KCNJ9: variants seen among roughly 807,000 people sequenced by gnomAD.
KCNJ9 encodes G protein-activated inward rectifier potassium channel 3.
In KCNJ9, 18 loss-of-function variants were observed where a neutral mutation model predicts 27.9. The observed-to-expected ratio is 0.65, with a 90% CI of 0.45 to 0.96. KCNJ9 has a LOEUF of 0.96. Ranked by LOEUF, KCNJ9 falls within the 40% of genes least tolerant of loss-of-function variation. KCNJ9 has a pLI of 0.00. For missense variants in KCNJ9, 324 were observed against 557.5 expected, an observed-to-expected ratio of 0.58 and a Z score of 4.22; for synonymous variants, 229 against 248.2, an observed-to-expected ratio of 0.92 and a Z score of 0.73.
At position 160,087,826 on chromosome 1, in the gene KCNJ9, C is replaced by T; in HGVS notation, c.*9C>T. The T allele has an allele frequency of 6.8e-7, 1 of 1,460,228 alleles. No individual in the cohort carries two copies. Among genetic ancestry groups the T allele is most frequent in the Non-Finnish European group, 9.0e-7 (1 of 1,107,310 alleles). The allele number at this position is 1,460,228 out of a possible 1,614,324, so 90.5% of individuals were successfully genotyped here. On this transcript the variant is annotated 3_prime_UTR_variant, in exon 3 of 3. Coordinates refer to ENST00000368088, the MANE Select transcript of KCNJ9 (RefSeq NM_004983.3). Reference sequence around the variant, plus strand: ...GTGAGTCCAAGGTGTGACCAGCTTCCTCCAGACCCCTGTGGCAGACCGGGG... The same window carrying T: ...GTGAGTCCAAGGTGTGACCAGCTTCTTCCAGACCCCTGTGGCAGACCGGGG...
Position 160,084,035 on chromosome 1 carries a change from C to A in KCNJ9, c.5C>A (p.Ala2Glu). The A allele has an allele frequency of 6.7e-7, 1 of 1,499,104 alleles. No homozygotes were observed. The highest frequency in any genetic ancestry group is 1.3e-5 in the South Asian group (1 of 79,142). The allele number at this position is 1,499,104 out of a possible 1,614,324, so 92.9% of individuals were successfully genotyped here. A position where few individuals can be genotyped will look rare whatever the true frequency, so the allele number is the denominator to read the frequency against. Residue 2 changes from alanine to glutamate, a missense_variant, in exon 2 of 3, where the codon GCG becomes GAG. Around this residue, in one of 3 missense-constraint regions of KCNJ9, gnomAD observed 32 missense variants for 31.7 expected, o/e 1.01. Transcript: ENST00000368088. MAQENAAFSPGQ... is the reference protein window; with the variant it reads MEQENAAFSPGQ... ...GCTCGCCCTGACGCGGCCGCCATGGCGCAGGAGAACGCGGCCTTCTCGCCC... is the reference window on the plus strand; with the variant it reads ...GCTCGCCCTGACGCGGCCGCCATGGAGCAGGAGAACGCGGCCTTCTCGCCC...
At chr1:160,085,275 A>T (rs1649756806) in intron 2 of KCNJ9, among the ~76,000 whole-genome samples, 1 of 152,232 alleles carries the variant, frequency 6.6e-6, no homozygotes, top group Non-Finnish European at 1.5e-5. Context: ...TATTGTGCTC[A>T]CTTTTTAGAG....
intron 2 of KCNJ9, among the ~76,000 whole-genome samples, chr1:160,085,700 T>C (rs1469056234): frequency 6.6e-6 from 1 of 152,164 alleles, no homozygotes; most frequent in Non-Finnish European, 1.5e-5. Context: ...AAAAGACCAG[T>C]GTTACAGGAG....
intron 2 of KCNJ9, among the ~76,000 whole-genome samples, chr1:160,085,771 G>C (rs896648463): frequency 6.6e-6 from 1 of 152,172 alleles, no homozygotes; most frequent in Non-Finnish European, 1.5e-5. Context: ...AGGAAACTGC[G>C]GGTGGAGGAC....
Position 160,084,300 on chromosome 1 carries a change from G to T in KCNJ9, c.270G>T (p.Glu90Asp), listed in dbSNP as rs982175578. ...TCGCCTACGGCCGCGGCGACCTGGA[G>T]CACCTGGAGGACACCGCGTGGACGC... is the stretch of plus-strand genomic sequence containing the variant. The part of the protein sequence containing the change: ...WLIAYGRGDL[E>D]HLEDTAWTPC... Residue 90 changes from glutamate to aspartate, a missense_variant, in exon 2 of 3, where the codon GAG (glutamate) becomes GAT (aspartate). Coordinates refer to ENST00000368088, the MANE Select transcript of KCNJ9 (RefSeq NM_004983.3). 1.9e-6 allele frequency: 3 copies of T among 1,613,368 alleles called. No homozygotes were observed. Among genetic ancestry groups the T allele is most frequent in the Non-Finnish European group, 1.7e-6 (2 of 1,179,954 alleles).
chr1:160,087,538 C>A lies in KCNJ9; in HGVS notation c.903C>A (p.Gly301=), dbSNP rs1480119334. The A allele has an allele frequency of 1.2e-6, 2 of 1,612,982 alleles. No individual in the cohort carries two copies. Among genetic ancestry groups the A allele is most frequent in the Non-Finnish European group, 1.7e-6 (2 of 1,179,320 alleles). The part of the protein sequence containing the change: ...SSYLVDEVLW[G]HRFTSVLTLE... Reference sequence around the variant, plus strand: ...ACCTGGTAGACGAGGTGCTGTGGGGCCACCGCTTCACGTCAGTGCTGACTC... The same window carrying A: ...ACCTGGTAGACGAGGTGCTGTGGGGACACCGCTTCACGTCAGTGCTGACTC... The change falls in exon 3 of 3, where the codon GGC becomes GGA. Residue 301 remains glycine (G), a synonymous_variant. Transcript: ENST00000368088.
At position 160,087,610 on chromosome 1, in the gene KCNJ9, T is replaced by A; in HGVS notation, c.975T>A (p.Thr325=). The A allele has an allele frequency of 6.2e-7, 1 of 1,613,596 alleles. No individual in the cohort carries two copies. Among genetic ancestry groups the A allele is most frequent in the South Asian group, 1.1e-5 (1 of 91,064 alleles). Residue 325 remains threonine, a synonymous_variant, in exon 3 of 3, where the codon ACT becomes ACA. Coordinates refer to ENST00000368088, the MANE Select transcript of KCNJ9 (RefSeq NM_004983.3). ...YEVDYASFHE[T]FEVPTPSCSA... Reference sequence around the variant, plus strand: ...TGGACTATGCCAGCTTTCACGAGACTTTTGAGGTGCCCACACCTTCGTGCA... The same window carrying A: ...TGGACTATGCCAGCTTTCACGAGACATTTGAGGTGCCCACACCTTCGTGCA...
chr1:160,084,747 C>G lies in KCNJ9; in HGVS notation c.717C>G (p.Leu239=). 1 of 1,578,750 alleles carries G rather than the reference C, an allele frequency of 6.3e-7. No individual in the cohort carries two copies. Among genetic ancestry groups the G allele is most frequent in the Non-Finnish European group, 8.6e-7 (1 of 1,162,476 alleles). ...GCTTCGACACGGGAGACGACCGCCT[C>G]TTCCTCGTCTCGCCGCTGGTTATCA... ...SVGFDTGDDR[L]FLVSPLVISH... The change falls in exon 2 of 3, where the codon CTC becomes CTG. Residue 239 remains leucine, a synonymous_variant. Coordinates refer to ENST00000368088, the MANE Select transcript of KCNJ9 (RefSeq NM_004983.3).
At position 160,087,485 on chromosome 1, in the gene KCNJ9, G is replaced by T; in HGVS notation, c.851-1G>T. 1 of 1,591,888 alleles carries T rather than the reference G, an allele frequency of 6.3e-7. No homozygotes were observed. Among genetic ancestry groups the T allele is most frequent in the Non-Finnish European group, 8.6e-7 (1 of 1,166,100 alleles). Reference sequence around the variant, plus strand: ...CCCCTGACCGGTGCCCCTCCTCCCAGGAATGACATGCCAAGCTCGGAGCTC... The same window carrying T: ...CCCCTGACCGGTGCCCCTCCTCCCATGAATGACATGCCAAGCTCGGAGCTC... On this transcript the variant is annotated splice_acceptor_variant, in intron 2 of 2. Transcript: ENST00000368088. LOFTEE classifies it high-confidence loss of function.
At chr1:160,083,742 C>T (rs1284325614) in intron 1 of KCNJ9, among the ~76,000 whole-genome samples, 175 bp from the exon 2 acceptor site, 1 of 152,162 alleles carries the variant, frequency 6.6e-6, no homozygotes, top group Non-Finnish European at 1.5e-5. Context: ...TCCATTTGAC[C>T]CTCACAACTT....
At chr1:160,083,532 GC>G (rs957223328) in intron 1 of KCNJ9, among the ~76,000 whole-genome samples, 24 of 152,158 alleles carry the variant, frequency 1.6e-4, no homozygotes, top group African/African-American at 4.3e-4. Flanking sequence ...TTACCCGCCT[GC>G]CCCCCTCCCC....
intron 1 of KCNJ9, among the ~76,000 whole-genome samples, chr1:160,083,597 G>A (rs1296210107): frequency 6.6e-6 from 1 of 152,102 alleles, no homozygotes; most frequent in Admixed American, 6.5e-5. Flanking sequence ...TCTGGGCCTG[G>A]GTCTTTGGCC....
chr1:160,084,929 G>GGGGGGGGGGGC, intron 2 of KCNJ9, 49 bp downstream of exon 2: 1 of 1,402,066 alleles, frequency 7.1e-7, no homozygotes, highest in East Asian at 2.6e-5. Context: ...GGGTGGGCGG[G>GGGGGGGGGGGC]ACCGAGGAAG....
At chr1:160,084,907 G>T in intron 2 of KCNJ9, 27 bp downstream of exon 2, 1 of 1,502,074 alleles carries the variant, frequency 6.7e-7, no homozygotes, top group Non-Finnish European at 8.9e-7. Context: ...GGAGGGGAGC[G>T]GGGTTGGCAG....
At position 160,084,777 on chromosome 1, in the gene KCNJ9, C is replaced by T. The variant is rs1168209705; in HGVS notation, c.747C>T (p.His249=). The stretch of plus-strand genomic sequence containing the variant: ...TCGTCTCGCCGCTGGTTATCAGCCA[C>T]GAGATCGACGCCGCCAGCCCCTTCT... The part of the protein sequence containing the change: ...LFLVSPLVIS[H]EIDAASPFWE... Residue 249 remains histidine, a synonymous_variant, in exon 2 of 3, where the codon CAC becomes CAT. Coordinates refer to ENST00000368088, the MANE Select transcript of KCNJ9 (RefSeq NM_004983.3). 6.4e-6 allele frequency: 10 copies of T among 1,557,644 alleles called. No individual in the cohort carries two copies. The highest frequency in any genetic ancestry group is 1.4e-5 in the African/African-American group (1 of 73,400).
rs1649841141 is a variant in KCNJ9 at position 160,089,106 on chromosome 1, C to A, written c.*1289C>A. Reference sequence around the variant, plus strand: ...ATTCCTAAGAAGTCCCCAGGTCATGCTGCTGTTGCTGGACTGAGGACCACA... The same window carrying A: ...ATTCCTAAGAAGTCCCCAGGTCATGATGCTGTTGCTGGACTGAGGACCACA... On this transcript the variant is annotated 3_prime_UTR_variant, in exon 3 of 3. Transcript: ENST00000368088. 1 of 152,274 alleles carries A rather than the reference C, an allele frequency of 6.6e-6. No homozygotes were observed. 9.4% of individuals were successfully genotyped at this position (152,274 alleles called of 1,614,324 possible).
At position 160,083,993 on chromosome 1, in the gene KCNJ9, C is replaced by G; in HGVS notation, c.-38C>G. On this transcript the variant is annotated 5_prime_UTR_variant, in exon 2 of 3. Coordinates refer to ENST00000368088, the MANE Select transcript of KCNJ9 (RefSeq NM_004983.3). ...GGCAGCAGCTCGGGCCCCCGCCGCA[C>G]TCCAGGCGCCCGCAGCGCTCGCCCT... 1 of 1,265,916 alleles carries G rather than the reference C, an allele frequency of 7.9e-7. No homozygotes were observed. The highest frequency in any genetic ancestry group is 3.3e-5 in the East Asian group (1 of 30,512). 78.4% of individuals were successfully genotyped at this position (1,265,916 alleles called of 1,614,324 possible).
Position 160,084,225 on chromosome 1 carries a change from C to A in KCNJ9, c.195C>A (p.Val65=). The change falls in exon 2 of 3, where the codon GTC becomes GTA. Residue 65 remains valine, a synonymous_variant. Transcript: ENST00000368088. ...LQWRLSLLFF[V]LAYALTWLFF... The stretch of plus-strand genomic sequence containing the variant: ...GGCGCCTCAGCCTGTTGTTCTTCGT[C>A]CTGGCCTACGCGCTCACCTGGCTCT... 3 of 1,613,336 alleles carry A rather than the reference C, an allele frequency of 1.9e-6. No individual in the cohort carries two copies. The highest frequency in any genetic ancestry group is 2.5e-6 in the Non-Finnish European group (3 of 1,179,806).
chr1:160,084,351 C>T lies in KCNJ9; in HGVS notation c.321C>T (p.Phe107=). The T allele has an allele frequency of 6.2e-7, 1 of 1,613,714 alleles. No individual in the cohort carries two copies. The highest frequency in any genetic ancestry group is 1.3e-5 in the African/African-American group (1 of 75,072). Residue 107 remains phenylalanine, a synonymous_variant, in exon 2 of 3, where the codon TTC becomes TTT. Transcript: ENST00000368088. ...CGTGCGTCAACAACCTCAACGGCTT[C>T]GTGGCCGCCTTCCTCTTCTCCATCG... ...WTPCVNNLNG[F]VAAFLFSIET...
Sources: allele counts gnomAD v4.1 joint callset (sites outside exome capture counted in the v4.1 genomes callset), GRCh38; gene constraint gnomAD v4.1.1; regional missense constraint gnomAD v4.1.1; transcripts MANE v1.5; gene names NCBI Gene and HGNC (gene_info 2026-07-23, HGNC 2026-07-21).